Variants in SYT1 observed in about 807,000 individuals in gnomAD.
The protein encoded by SYT1 is synaptotagmin-1.
SYT1 carries 8 observed loss-of-function variants against 44.8 expected under a neutral mutation model. That is an observed-to-expected ratio of 0.18 (90% CI 0.10 to 0.32). The LOEUF (loss-of-function observed/expected upper bound fraction) is 0.32. Ranked by LOEUF, SYT1 falls within the 10% of genes least tolerant of loss-of-function variation. The probability of loss-of-function intolerance (pLI) is 1.00; values close to 1 mark genes in which losing one functional copy is unlikely to be tolerated. For missense variants in SYT1, 286 were observed against 509.3 expected (o/e 0.56, Z 4.22); for synonymous variants, 154 against 188.8 (o/e 0.82, Z 1.51).
chr12:78,946,716 A>G (rs756196671), intron 1 of SYT1, among the ~76,000 whole-genome samples: 2 of 151,398 alleles, frequency 1.3e-5, no homozygotes, highest in Non-Finnish European at 3.0e-5. Flanking sequence ...AAAAAGAAAA[A>G]GAAAAGAAAA....
At chr12:79,375,090 C>A (rs1232077078) in intron 9 of SYT1, among the ~76,000 whole-genome samples, 2 of 152,062 alleles carry the variant, frequency 1.3e-5, no homozygotes, top group Non-Finnish European at 2.9e-5. Context: ...TTTTATATGT[C>A]ATGAAATATT....
intron 3 of SYT1, among the ~76,000 whole-genome samples, chr12:79,116,725 C>T (rs1879297364): frequency 6.6e-6 from 1 of 152,200 alleles, no homozygotes; most frequent in East Asian, 1.9e-4. Context: ...ATGCTATACT[C>T]ACTTTATTAT....
intron 4 of SYT1, among the ~76,000 whole-genome samples, chr12:79,264,793 T>C (rs1878035480): frequency 6.6e-6 from 1 of 152,230 alleles, no homozygotes; most frequent in Admixed American, 6.5e-5. Flanking sequence ...AGATAAACAA[T>C]TCTCAGTCAC....
chr12:79,367,980 T>C (rs1333694246), intron 9 of SYT1, among the ~76,000 whole-genome samples: 1 of 151,954 alleles, frequency 6.6e-6, no homozygotes, highest in Non-Finnish European at 1.5e-5. Context: ...TGTATACATG[T>C]GCCATGCTGG....
rs143418725 is a variant in SYT1, at chr12:79,441,356, C to T, written c.929-2717C>T. 1.1e-3 allele frequency among the ~76,000 whole-genome samples: 173 copies of T among 152,196 alleles called. 1 individual carries two copies. The highest frequency in any genetic ancestry group is 4.1e-3 in the African/African-American group (169 of 41,536). On this transcript the variant is annotated intron_variant, in intron 9 of 10. Transcript: ENST00000261205. ...TTGTTGTGAGATTCTGCCTCTGTTG[C>T]CCAGGCTGGAGTGCAGTGGTGTGAT...
intron 9 of SYT1, among the ~76,000 whole-genome samples, chr12:79,437,169 C>T (rs1301123807): frequency 6.6e-6 from 1 of 152,080 alleles, no homozygotes; most frequent in African/African-American, 2.4e-5. Flanking sequence ...TAGGACGGGG[C>T]TGTGAATGTA....
chr12:79,301,862 A>C (rs1303140259), intron 8 of SYT1, among the ~76,000 whole-genome samples: 9 of 152,164 alleles, frequency 5.9e-5, no homozygotes, highest in Non-Finnish European at 1.3e-4. Context: ...TTTCAGTTAG[A>C]CTATTTCTCT....
At chr12:78,927,105 C>T (rs1877342900) in intron 1 of SYT1, among the ~76,000 whole-genome samples, 1 of 152,108 alleles carries the variant, frequency 6.6e-6, no homozygotes, top group African/African-American at 2.4e-5. Context: ...AACAACGTTT[C>T]CAAGTTGTAG....
At chr12:78,921,163 C>T (rs771973826) in intron 1 of SYT1, among the ~76,000 whole-genome samples, 4 of 151,780 alleles carry the variant, frequency 2.6e-5, no homozygotes, top group Non-Finnish European at 5.9e-5. Context: ...CATGTTTTTA[C>T]CACTTTAATT....
At chr12:79,253,668 G>T (rs1341246217) in intron 4 of SYT1, among the ~76,000 whole-genome samples, 1 of 152,116 alleles carries the variant, frequency 6.6e-6, no homozygotes, top group East Asian at 1.9e-4. Context: ...GAATGATTAG[G>T]CTTAGTGAGG....
At chr12:79,014,217 T>G (rs1470900427) in intron 2 of SYT1, among the ~76,000 whole-genome samples, 3 of 151,590 alleles carry the variant, frequency 2.0e-5, no homozygotes, top group Admixed American at 6.6e-5. Context: ...AAAAACCAGT[T>G]CAAATATTTT....
In SYT1 at chr12:78,892,524, C is replaced by T. The variant is rs180889435; in HGVS notation, c.-217+27415C>T. Among the ~76,000 whole-genome samples the T allele has an allele frequency of 8.5e-3, 1,284 of 151,750 alleles. 22 individuals carry two copies. The highest frequency in any genetic ancestry group is 0.03 in the African/African-American group (1,241 of 41,478). ...ATCAGTTGTTTCCCTTTCCCCACCT[C>T]TCTAAACACACATTTTAAAATAGGA... is the stretch of plus-strand genomic sequence containing the variant. On this transcript the variant is annotated intron_variant, in intron 1 of 10. Transcript: ENST00000261205.
At position 79,356,859 on chromosome 12, in the gene SYT1, G is replaced by A. The variant is rs190940970; in HGVS notation, c.928+3240G>A. Among the ~76,000 whole-genome samples the A allele has an allele frequency of 1.8e-3, 279 of 152,266 alleles. 1 individual carries two copies. Among genetic ancestry groups the A allele is most frequent in the Non-Finnish European group, 3.1e-3 (208 of 68,020 alleles). The stretch of plus-strand genomic sequence containing the variant: ...TAAGTACTCACTAAATACTATTGTA[G>A]TCATTTCTATTAGTAATTTTATCAA... On this transcript the variant is annotated intron_variant, in intron 9 of 10. Transcript: ENST00000261205.
intron 3 of SYT1, among the ~76,000 whole-genome samples, chr12:79,205,286 A>G (rs1368811630): frequency 2.0e-5 from 3 of 152,110 alleles, no homozygotes. Context: ...TTTTTAAAAC[A>G]CTGTAAAATA....
intron 3 of SYT1, among the ~76,000 whole-genome samples, chr12:79,051,365 C>T (rs1025903224): frequency 6.7e-6 from 1 of 149,250 alleles, no homozygotes; most frequent in Non-Finnish European, 1.5e-5. Context: ...ATAAAGAGAG[C>T]TCATTTATAT....
chr12:79,395,576 G>A (rs574025049), intron 9 of SYT1, among the ~76,000 whole-genome samples: 21 of 151,988 alleles, frequency 1.4e-4, no homozygotes, highest in African/African-American at 3.4e-4. Flanking sequence ...TTGTAGAGAC[G>A]TCATCTCACT....
At chr12:79,045,063 G>A (rs569507143) in intron 2 of SYT1, among the ~76,000 whole-genome samples, 3 of 152,206 alleles carry the variant, frequency 2.0e-5, no homozygotes, top group Admixed American at 1.3e-4. Flanking sequence ...AGAGGTTACT[G>A]CTGTCTTTTT....
chr12:79,173,125 A>G (rs1871647132), intron 3 of SYT1, among the ~76,000 whole-genome samples: 1 of 151,884 alleles, frequency 6.6e-6, no homozygotes, highest in Non-Finnish European at 1.5e-5. Context: ...TCCTGAACCA[A>G]CTAAGAGGTA....
intron 9 of SYT1, among the ~76,000 whole-genome samples, chr12:79,404,540 T>C (rs1367149992): frequency 6.6e-6 from 1 of 152,170 alleles, no homozygotes; most frequent in East Asian, 1.9e-4. Context: ...TGAACAGTCA[T>C]ACACACAACC....
Sources: allele counts gnomAD v4.1 joint callset (sites outside exome capture counted in the v4.1 genomes callset), GRCh38; gene constraint gnomAD v4.1.1; transcripts MANE v1.5; gene names NCBI Gene and HGNC (gene_info 2026-07-23, HGNC 2026-07-21).